The following EYA3 variants were observed in gnomAD, a reference collection of about 807,000 sequenced individuals.
EYA3 encodes EYA transcriptional coactivator and phosphatase 3.
In EYA3, 39 loss-of-function variants were observed where a neutral mutation model predicts 80.0. The ratio of observed to expected loss-of-function variants is 0.49; its 90% confidence interval spans 0.38 to 0.64. EYA3 has a LOEUF of 0.64. Among genes scored for constraint, EYA3 ranks in the 30% least tolerant of loss-of-function variants. EYA3 has a pLI of 0.00. For missense variants in EYA3, 523 were observed against 676.1 expected, an observed-to-expected ratio of 0.77 and a Z score of 2.51; for synonymous variants, 206 against 232.8, an observed-to-expected ratio of 0.88 and a Z score of 1.05.
At chr1:27,975,615 A>T (rs892969009) in intron 17 of EYA3, among the ~76,000 whole-genome samples, 4 of 151,246 alleles carry the variant, frequency 2.6e-5, no homozygotes, top group Non-Finnish European at 5.9e-5. Context: ...CCTCCCGAGT[A>T]GCTGGGACTA....
At chr1:28,067,460 A>C (rs1644873821) in intron 1 of EYA3, among the ~76,000 whole-genome samples, 1 of 152,252 alleles carries the variant, frequency 6.6e-6, no homozygotes, top group Admixed American at 6.5e-5. Flanking sequence ...CATATTTTTA[A>C]ATGCTTATAT....
At chr1:28,063,839 T>C (rs1376427611) in intron 1 of EYA3, among the ~76,000 whole-genome samples, 1 of 152,206 alleles carries the variant, frequency 6.6e-6, no homozygotes, top group Non-Finnish European at 1.5e-5. Flanking sequence ...CACAACTATT[T>C]CATTTTTATC....
intron 7 of EYA3, among the ~76,000 whole-genome samples, chr1:28,020,554 C>T (rs1020803631): frequency 1.3e-5 from 2 of 151,952 alleles, no homozygotes; most frequent in African/African-American, 4.8e-5. Flanking sequence ...GCTCTTATAA[C>T]CACCATAGAA....
Position 28,037,852 on chromosome 1 carries a change from C to T in EYA3, c.224+987G>A, listed in dbSNP as rs74702095. Among the ~76,000 whole-genome samples the T allele has an allele frequency of 6.8e-4, 104 of 152,278 alleles. 2 individuals carry two copies. The East Asian group carries it at 0.019, about 27-fold the overall frequency. On this transcript the variant is annotated intron_variant, in intron 5 of 17. Coordinates refer to ENST00000373871, the MANE Select transcript of EYA3 (RefSeq NM_001990.4). ...TAACAGCCCCATAAAGTATCTCTTG[C>T]TTTTGTTACCAATTTCTTTATGTAT...
intron 1 of EYA3, among the ~76,000 whole-genome samples, chr1:28,080,837 G>A (rs933642378): frequency 1.2e-4 from 19 of 152,118 alleles, no homozygotes; most frequent in African/African-American, 2.4e-4. Context: ...TGCAACCTCC[G>A]CCTCCTGGGT....
chr1:28,054,831 A>G (rs1644382859), intron 2 of EYA3, among the ~76,000 whole-genome samples: 3 of 152,240 alleles, frequency 2.0e-5, no homozygotes, highest in Non-Finnish European at 4.4e-5. Flanking sequence ...AGCCTGGGCG[A>G]CAGGGTGAAA....
At chr1:28,015,107 A>C (rs534263504) in intron 8 of EYA3, among the ~76,000 whole-genome samples, 20 of 152,392 alleles carry the variant, frequency 1.3e-4, no homozygotes, top group African/African-American at 4.8e-4. Context: ...AAAATCTAGC[A>C]GGAGAGAAGA....
chr1:28,032,409 A>G (rs1643201613), intron 6 of EYA3, among the ~76,000 whole-genome samples: 1 of 152,178 alleles, frequency 6.6e-6, no homozygotes, highest in East Asian at 1.9e-4. Flanking sequence ...TTCAATGAGT[A>G]TGTTGGTCAG....
At chr1:27,998,883 C>T (rs910501756) in intron 12 of EYA3, among the ~76,000 whole-genome samples, 2 of 152,138 alleles carry the variant, frequency 1.3e-5, no homozygotes, top group Non-Finnish European at 2.9e-5. Flanking sequence ...ATTCTCCTGC[C>T]TCAGCCTCCT....
chr1:27,997,458 T>G, intron 12 of EYA3, 80 bp from the exon 13 acceptor site: 1 of 1,211,750 alleles, frequency 8.3e-7, no homozygotes. Context: ...AAAAAGACCA[T>G]ATACAGTGGC....
intron 10 of EYA3, 139 bp from the exon 11 acceptor site, chr1:28,004,558 CAAA>C: frequency 1.8e-6 from 1 of 555,680 alleles, no homozygotes; most frequent in Non-Finnish European, 3.2e-6. Flanking sequence ...ACCAATGCGT[CAAA>C]GAAGAAATCA....
intron 7 of EYA3, among the ~76,000 whole-genome samples, chr1:28,021,776 T>C (rs1642455340): frequency 6.6e-6 from 1 of 152,062 alleles, no homozygotes; most frequent in Non-Finnish European, 1.5e-5. Flanking sequence ...AACTAATTTT[T>C]GTATTTTTAG....
chr1:28,042,376 T>C (rs1322877024), intron 4 of EYA3, among the ~76,000 whole-genome samples, 195 bp downstream of exon 4: 4 of 152,196 alleles, frequency 2.6e-5, no homozygotes, highest in South Asian at 4.1e-4. Flanking sequence ...GTGGACTCCA[T>C]GTGATCTTTT....
intron 15 of EYA3, among the ~76,000 whole-genome samples, chr1:27,989,382 TCTC>T (rs1275470611): frequency 2.6e-5 from 4 of 152,170 alleles, no homozygotes; most frequent in Non-Finnish European, 5.9e-5. Flanking sequence ...TGTAATAACA[TCTC>T]CTCCATGTAT....
intron 1 of EYA3, 136 bp from the exon 2 acceptor site, chr1:28,058,230 C>A: frequency 2.4e-6 from 1 of 416,570 alleles, no homozygotes; most frequent in Non-Finnish European, 4.3e-6. Context: ...CTCAAACCTG[C>A]ACGTGGCTTT....
intron 10 of EYA3, 44 bp from the exon 11 acceptor site, chr1:28,004,463 A>G (rs1450113641): frequency 2.1e-6 from 3 of 1,403,076 alleles, no homozygotes; most frequent in Admixed American, 1.8e-5. Context: ...TTCCAATTAC[A>G]ATGGAATGAA....
At chr1:28,070,119 T>G (rs911914255) in intron 1 of EYA3, among the ~76,000 whole-genome samples, 2 of 152,234 alleles carry the variant, frequency 1.3e-5, no homozygotes, top group South Asian at 4.1e-4. Flanking sequence ...TAATTTGTTA[T>G]GGCAGCCACA....
chr1:28,045,314 T>C (rs1176042771), intron 3 of EYA3, among the ~76,000 whole-genome samples: 3 of 152,166 alleles, frequency 2.0e-5, no homozygotes, highest in Non-Finnish European at 4.4e-5. Context: ...TTAATAAAAA[T>C]AGACTTCTGG....
intron 1 of EYA3, among the ~76,000 whole-genome samples, chr1:28,077,533 T>C (rs986730156): frequency 1.3e-5 from 2 of 152,204 alleles, no homozygotes; most frequent in Non-Finnish European, 2.9e-5. Flanking sequence ...AACAGTACAA[T>C]GGTTCTTCTA....
Sources: allele counts gnomAD v4.1 joint callset (sites outside exome capture counted in the v4.1 genomes callset), GRCh38; gene constraint gnomAD v4.1.1; transcripts MANE v1.5; gene names NCBI Gene and HGNC (gene_info 2026-07-23, HGNC 2026-07-21).